CIP2A: variants seen among roughly 807,000 people sequenced by gnomAD.
The protein encoded by CIP2A is protein CIP2A.
A neutral mutation model predicts 110.9 loss-of-function variants in CIP2A; 103 were observed. That is an observed-to-expected ratio of 0.93 (90% confidence interval 0.79 to 1.09). CIP2A has a LOEUF of 1.09. Ranked by LOEUF, CIP2A falls within the 50% of genes least tolerant of loss-of-function variation. CIP2A has a pLI of 0.00. For synonymous variants in CIP2A, 381 were observed against 361.6 expected (o/e 1.05, Z -0.61); for missense variants, 1,088 against 1,038.4 (o/e 1.05, Z -0.66).
chr3:108,585,555 A>G, intron 1 of CIP2A: 2 of 388,338 alleles, frequency 5.2e-6, no homozygotes, highest in South Asian at 4.2e-5. Context: ...GTTCCTAGCA[A>G]TATTTCTCCT....
In CIP2A at chr3:108,560,858, G is replaced by A. The variant is rs910972028; in HGVS notation, c.1635-17C>T. ...TCTCCAAGTCTGAATGGGAGTCAAA[G>A]AAAGGAAAAAAAAATTATACGAAAA... On this transcript the variant is annotated splice_polypyrimidine_tract_variant and intron_variant, in intron 13 of 20. Transcript: ENST00000295746. The A allele has an allele frequency of 6.0e-6, 9 of 1,491,972 alleles. No homozygotes were observed. The highest frequency in any genetic ancestry group is 4.6e-5 in the Admixed American group (2 of 43,114). The allele number at this position is 1,491,972 out of a possible 1,614,324, so 92.4% of individuals were successfully genotyped here. A position where few individuals can be genotyped will look rare whatever the true frequency, so the allele number is the denominator to read the frequency against.
intron 13 of CIP2A, 22 bp from the exon 14 acceptor site, chr3:108,560,863 G>GAA: frequency 2.1e-6 from 3 of 1,463,010 alleles, no homozygotes; most frequent in East Asian, 2.4e-5. Context: ...TCAAAGAAAG[G>GAA]AAAAAAAAAT....
rs1938207125 is a variant in CIP2A at position 108,566,867 on chromosome 3, G to A, written c.1274-229C>T. ...TCTGACTCAATGGTTAAAACAGCGA[G>A]GATATCTTTCCATTGGATGTCTGTT... On this transcript the variant is annotated intron_variant, in intron 10 of 20. Transcript: ENST00000295746. 2.0e-5 allele frequency among the ~76,000 whole-genome samples: 3 copies of A among 151,798 alleles called. No homozygotes were observed. The South Asian group carries it at 6.2e-4, about 32-fold the overall frequency.
chr3:108,576,416 C>T (rs989069382), intron 7 of CIP2A, 70 bp from the exon 8 acceptor site: 5 of 790,056 alleles, frequency 6.3e-6, no homozygotes, highest in Non-Finnish European at 1.0e-5. Flanking sequence ...GATTTATCTA[C>T]AAGATAAATA....
chr3:108,560,801 G>A lies in CIP2A; in HGVS notation c.1675C>T (p.Gln559Ter). The A allele has an allele frequency of 6.2e-7, 1 of 1,611,342 alleles. No homozygotes were observed. Among genetic ancestry groups the A allele is most frequent in the Non-Finnish European group, 8.5e-7 (1 of 1,178,730 alleles). ...TTTCTGGGTATATGTTCTGTTTCCT[G>A]TTGTCTATAGGCATTGTTTGCTGCT... ...SIAANNAYRQ[Q>*]ETEHIPRKMP... Residue 559 changes from glutamine (Q) to a stop codon, truncating the protein, a stop_gained, in exon 14 of 21, where the codon CAG (glutamine) becomes TAG (stop). Coordinates refer to ENST00000295746, the MANE Select transcript of CIP2A (RefSeq NM_020890.3). LOFTEE classifies it high-confidence loss of function.
intron 11 of CIP2A, among the ~76,000 whole-genome samples, chr3:108,565,981 GTAAAGATTAGATGGACT>G (rs1938167383): frequency 6.6e-6 from 1 of 151,656 alleles, no homozygotes; most frequent in Non-Finnish European, 1.5e-5. Context: ...CAGGTCCTCA[GTAAAGATTAGATGGACT>G]TAATTCATGA....
At chr3:108,570,238 A>C (rs1045053087) in intron 8 of CIP2A, among the ~76,000 whole-genome samples, 1 of 144,064 alleles carries the variant, frequency 6.9e-6, no homozygotes, top group Non-Finnish European at 1.5e-5. Context: ...AAAATTTCTT[A>C]AGATCTCCTT....
chr3:108,566,019 G>T (rs1211068072), intron 11 of CIP2A, among the ~76,000 whole-genome samples: 1 of 151,472 alleles, frequency 6.6e-6, no homozygotes, highest in Non-Finnish European at 1.5e-5. Flanking sequence ...GGAGGGAAGG[G>T]GTATAAAGTA....
intron 14 of CIP2A, 152 bp from the exon 15 acceptor site, chr3:108,560,180 C>CTTTTT: frequency 2.5e-6 from 1 of 401,618 alleles, no homozygotes; most frequent in East Asian, 4.3e-5. Context: ...ACAAATATTT[C>CTTTTT]TTTTTTTTTT....
intron 19 of CIP2A, among the ~76,000 whole-genome samples, chr3:108,553,027 G>A (rs1250634083): frequency 6.6e-6 from 1 of 150,682 alleles, no homozygotes; most frequent in African/African-American, 2.4e-5. Flanking sequence ...AATATACCCA[G>A]TGTAACAGAC....
In CIP2A at chr3:108,553,894, T is replaced by TACAAAAAAAAA. The variant is rs1303036231; in HGVS notation, c.2325-165_2325-164insTTTTTTTTTGT. On this transcript the variant is annotated intron_variant, in intron 18 of 20. Transcript: ENST00000295746. ...GGTGAAACCCCGTCTCTACTAAAAATATAAAAAAAAAAAAAAAAAAAAAAA... is the reference window on the plus strand; with the variant it reads ...GGTGAAACCCCGTCTCTACTAAAAATACAAAAAAAAAATAAAAAAAAAAAAAAAAAAAAAAA... 4.5e-3 allele frequency among the ~76,000 whole-genome samples: 224 copies of TACAAAAAAAAA among 49,668 alleles called. 76 individuals are homozygous for TACAAAAAAAAA. The highest frequency in any genetic ancestry group is 6.5e-3 in the South Asian group (5 of 766). 32.6% of individuals were successfully genotyped at this position (49,668 alleles called of 152,430 possible). A position where few individuals can be genotyped will look rare whatever the true frequency, so the allele number is the denominator to read the frequency against.
rs746250222 is a variant in CIP2A, at chr3:108,589,298, G to A, written c.78C>T (p.Ala26=). ...QYKAVKSEAN[A]TQLLRHLEVI... is the part of the protein sequence containing the mutation. The stretch of plus-strand genomic sequence containing the variant: ...CCTCCAAGTGCCGCAAAAGCTGAGT[G>A]GCGTTCGCCTCTGACTTCACGGCTT... Residue 26 remains alanine (A), a synonymous_variant, in exon 1 of 21, where the codon GCC becomes GCT. Coordinates refer to ENST00000295746, the MANE Select transcript of CIP2A (RefSeq NM_020890.3). The A allele has an allele frequency of 6.2e-7, 1 of 1,614,068 alleles. No individual in the cohort carries two copies. The highest frequency in any genetic ancestry group is 8.5e-7 in the Non-Finnish European group (1 of 1,179,930).
rs540103952 is a variant in CIP2A, at chr3:108,568,900, A to G, written c.1113+489T>C. Reference sequence around the variant, plus strand: ...CAGAATGGATTTATAAACAGGGAGAATAGTAGAGAATATTAAATTGCCCAG... The same window carrying G: ...CAGAATGGATTTATAAACAGGGAGAGTAGTAGAGAATATTAAATTGCCCAG... On this transcript the variant is annotated intron_variant, in intron 9 of 20. Coordinates refer to ENST00000295746, the MANE Select transcript of CIP2A (RefSeq NM_020890.3). Among the ~76,000 whole-genome samples, 5 of 151,808 alleles carry G rather than the reference A, an allele frequency of 3.3e-5. No homozygotes were observed. In the South Asian group the frequency reaches 1.0e-3, roughly 31 times the overall value.
At chr3:108,575,369 C>A (rs956671472) in intron 8 of CIP2A, among the ~76,000 whole-genome samples, 1 of 149,428 alleles carries the variant, frequency 6.7e-6, no homozygotes, top group African/African-American at 2.5e-5. Flanking sequence ...TATATACATA[C>A]ACATATACAT....
At chr3:108,573,732 G>GA (rs1209476693) in intron 8 of CIP2A, among the ~76,000 whole-genome samples, 2 of 152,034 alleles carry the variant, frequency 1.3e-5, no homozygotes, top group Non-Finnish European at 2.9e-5. Context: ...TCTAGGGTTC[G>GA]AAATAAAAAA....
chr3:108,551,094 TAG>T lies in CIP2A; in HGVS notation c.*53_*54del. On this transcript the variant is annotated 3_prime_UTR_variant, in exon 21 of 21. Coordinates refer to ENST00000295746, the MANE Select transcript of CIP2A (RefSeq NM_020890.3). ...ACTCCCCTACCCACCCCCCCTCCAA[TAG>T]ATAAATACATCAAAAATATCATGAG... 3.8e-6 allele frequency: 1 copy of T among 266,550 alleles called. No individual in the cohort carries two copies. The highest frequency in any genetic ancestry group is 7.8e-6 in the Non-Finnish European group (1 of 128,696). 16.5% of individuals were successfully genotyped at this position (266,550 alleles called of 1,614,324 possible).
At position 108,554,456 on chromosome 3, in the gene CIP2A, TA is replaced by T; in HGVS notation, c.2243del (p.Leu748TyrfsTer8). On this transcript the variant is annotated frameshift_variant, in exon 18 of 21. Coordinates refer to ENST00000295746, the MANE Select transcript of CIP2A (RefSeq NM_020890.3). LOFTEE classifies it high-confidence loss of function. ...NESTEKKNKDLQITCDSLNKQ... is the reference protein window; with the variant it reads ...NESTEKKNKDXQITCDSLNKQ... ...TATTCAGAGAATCACATGTGATCTG[TA>T]AATCTTTATTCTTCTTTTCAGTACT... is the stretch of plus-strand genomic sequence containing the variant. 1 of 1,530,196 alleles carries T rather than the reference TA, an allele frequency of 6.5e-7. No individual in the cohort carries two copies. The highest frequency in any genetic ancestry group is 9.0e-7 in the Non-Finnish European group (1 of 1,112,752). The allele number at this position is 1,530,196 out of a possible 1,614,324, so 94.8% of individuals were successfully genotyped here. A position where few individuals can be genotyped will look rare whatever the true frequency, so the allele number is the denominator to read the frequency against.
intron 13 of CIP2A, 29 bp downstream of exon 13, chr3:108,563,097 G>A (rs773539069): frequency 2.1e-6 from 3 of 1,405,584 alleles, no homozygotes; most frequent in Non-Finnish European, 3.0e-6. Flanking sequence ...AACACCACAA[G>A]AGATACACTG....
In CIP2A at chr3:108,561,602, G is replaced by A. The variant is rs558471040; in HGVS notation, c.1635-761C>T. Among the ~76,000 whole-genome samples the A allele has an allele frequency of 8.5e-5, 13 of 152,218 alleles. No homozygotes were observed. The East Asian group carries it at 1.7e-3, about 20-fold the overall frequency. On this transcript the variant is annotated intron_variant, in intron 13 of 20. Coordinates refer to ENST00000295746, the MANE Select transcript of CIP2A (RefSeq NM_020890.3). ...GAATATCACTTGAGCCCCAGAGGTC[G>A]AAGCTGCAGTGAGTCATGATCACAC... is the stretch of plus-strand genomic sequence containing the variant.
Sources: allele counts gnomAD v4.1 joint callset (sites outside exome capture counted in the v4.1 genomes callset), GRCh38; gene constraint gnomAD v4.1.1; transcripts MANE v1.5; gene names NCBI Gene and HGNC (gene_info 2026-07-23, HGNC 2026-07-21).